Variants in XPR1 observed in about 807,000 individuals in gnomAD.
XPR1 encodes xenotropic and polytropic retrovirus receptor 1, also known as solute carrier family 53 member 1.
A neutral mutation model predicts 87.5 loss-of-function variants in XPR1; 28 were observed. The observed-to-expected ratio is 0.32, with a 90% CI of 0.24 to 0.44. The LOEUF (loss-of-function observed/expected upper bound fraction) is 0.44, where lower values mean the gene tolerates loss of function less well. Ranked by LOEUF, XPR1 falls within the 20% of genes least tolerant of loss-of-function variation. The pLI, the probability that XPR1 is intolerant of heterozygous loss-of-function variation, is 1.00. For missense variants in XPR1, 559 were observed against 862.3 expected (o/e 0.65, Z 4.41); for synonymous variants, 300 against 306.1 (o/e 0.98, Z 0.21).
rs191208624 is a variant in XPR1 at position 180,819,739 on chromosome 1, C to T, written c.764-5014C>T. Among the ~76,000 whole-genome samples the T allele has an allele frequency of 2.7e-3, 404 of 152,222 alleles. 2 individuals are homozygous for T. Among genetic ancestry groups the T allele is most frequent in the African/African-American group, 9.3e-3 (385 of 41,524 alleles). ...AACAGTTCAAAATATATGCCTAGGC[C>T]GGGCGCGGTGGCTCATGCCTGTAAT... On this transcript the variant is annotated intron_variant, in intron 7 of 14. Transcript: ENST00000367590.
In XPR1 at chr1:180,806,189, A is replaced by T; in HGVS notation, c.575A>T (p.Asn192Ile). Residue 192 changes from asparagine (N) to isoleucine (I), a missense_variant, in exon 5 of 15, where the codon AAC (asparagine) becomes ATC (isoleucine). Physicochemically the swap from Asn to Ile is moderately radical, Grantham distance 149. Transcript: ENST00000367590. ...VAPFYTCKKI[N>I]QLISETEAVV... is the part of the protein sequence containing the mutation. ...CCATTTTATACATGCAAGAAAATCAACCAGCTTATCTCTGAAACTGAGGTA... is the reference window on the plus strand; with the variant it reads ...CCATTTTATACATGCAAGAAAATCATCCAGCTTATCTCTGAAACTGAGGTA... The T allele has an allele frequency of 2.5e-6, 4 of 1,613,572 alleles. No homozygotes were observed. Among genetic ancestry groups the T allele is most frequent in the Non-Finnish European group, 3.4e-6 (4 of 1,179,648 alleles).
chr1:180,734,130 T>TA (rs768978601), intron 2 of XPR1, among the ~76,000 whole-genome samples: 109 of 152,330 alleles, frequency 7.2e-4, no homozygotes, highest in Admixed American at 2.4e-3. Flanking sequence ...CTATTATACT[T>TA]ACAGGTTACT....
intron 2 of XPR1, among the ~76,000 whole-genome samples, chr1:180,772,217 G>A (rs1243280776): frequency 6.6e-6 from 1 of 152,092 alleles, no homozygotes; most frequent in Non-Finnish European, 1.5e-5. Context: ...GCTTCTTCAA[G>A]TTGGAAGAAT....
chr1:180,704,262 ATATATATATATATAT>A (rs2101974262), intron 2 of XPR1, among the ~76,000 whole-genome samples: 1 of 138,028 alleles, frequency 7.2e-6, no homozygotes, highest in Non-Finnish European at 1.6e-5. Flanking sequence ...ATATATATAT[ATATATATATATATAT>A]TATCAGATTA....
At chr1:180,820,421 C>G (rs1650583646) in intron 7 of XPR1, among the ~76,000 whole-genome samples, 1 of 152,182 alleles carries the variant, frequency 6.6e-6, no homozygotes, top group African/African-American at 2.4e-5. Context: ...GTAATGTTTT[C>G]AAGGTTCATC....
At chr1:180,653,070 T>G (rs1341563143) in intron 1 of XPR1, among the ~76,000 whole-genome samples, 1 of 152,150 alleles carries the variant, frequency 6.6e-6, no homozygotes, top group Non-Finnish European at 1.5e-5. Context: ...ACTGCTTGAA[T>G]TTTTTCATGG....
At position 180,887,597 on chromosome 1, in the gene XPR1, C is replaced by A. The variant is rs945929051; in HGVS notation, c.*3531C>A. On this transcript the variant is annotated 3_prime_UTR_variant, in exon 15 of 15. Transcript: ENST00000367590. The stretch of plus-strand genomic sequence containing the variant: ...AAAGTAGTCAAAAACCCATGTGCAA[C>A]TTTTTTTCAGCACTCTACCATTAGG... 6.6e-6 allele frequency: 1 copy of A among 152,198 alleles called. No homozygotes were observed. The highest frequency in any genetic ancestry group is 2.4e-5 in the African/African-American group (1 of 41,440). 9.4% of individuals were successfully genotyped at this position (152,198 alleles called of 1,614,324 possible).
At chr1:180,673,773 C>A (rs7517852) in intron 1 of XPR1, among the ~76,000 whole-genome samples, 1 of 152,256 alleles carries the variant, frequency 6.6e-6, no homozygotes, top group South Asian at 2.1e-4. Context: ...AATTGTCTTC[C>A]GTGAAACTAG....
chr1:180,755,299 G>A (rs931655611), intron 2 of XPR1, among the ~76,000 whole-genome samples: 22 of 152,188 alleles, frequency 1.4e-4, no homozygotes, highest in African/African-American at 5.3e-4. Context: ...TTTGCATCAT[G>A]AGTTTATTTC....
chr1:180,649,901 C>A (rs1655240814), intron 1 of XPR1, among the ~76,000 whole-genome samples: 1 of 152,056 alleles, frequency 6.6e-6, no homozygotes, highest in African/African-American at 2.4e-5. Context: ...TAGCCATGTC[C>A]CCTTAACTCT....
intron 2 of XPR1, among the ~76,000 whole-genome samples, chr1:180,776,105 G>A (rs1648705957): frequency 1.3e-5 from 2 of 152,076 alleles, no homozygotes; most frequent in African/African-American, 4.8e-5. Context: ...GTGAGTAACA[G>A]GGTAACAAAT....
At chr1:180,726,335 G>T (rs1374282221) in intron 2 of XPR1, among the ~76,000 whole-genome samples, 1 of 152,174 alleles carries the variant, frequency 6.6e-6, no homozygotes, top group Non-Finnish European at 1.5e-5. Context: ...CCCCTTCCAT[G>T]CTGTGGAAGC....
At chr1:180,673,784 T>A (rs1259882345) in intron 1 of XPR1, among the ~76,000 whole-genome samples, 1 of 152,216 alleles carries the variant, frequency 6.6e-6, no homozygotes, top group Non-Finnish European at 1.5e-5. Context: ...GTGAAACTAG[T>A]CCCTGGAGCC....
rs550890349 is a variant in XPR1, at chr1:180,702,402, ATG to A, written c.121+19993_121+19994del. Among the ~76,000 whole-genome samples the A allele has an allele frequency of 1.2e-4, 18 of 150,522 alleles. No homozygotes were observed. In the South Asian group the frequency reaches 3.6e-3, roughly 30 times the overall value. On this transcript the variant is annotated intron_variant, in intron 2 of 14. Transcript: ENST00000367590. Reference sequence around the variant, plus strand: ...TAGGTGTGGTGTGGTGCTGAAAAAAATGTATATTCTGTTGATTTGGGGTGGAG... The same window carrying A: ...TAGGTGTGGTGTGGTGCTGAAAAAAATATATTCTGTTGATTTGGGGTGGAG...
At chr1:180,698,510 T>C (rs921514336) in intron 2 of XPR1, among the ~76,000 whole-genome samples, 3 of 150,924 alleles carry the variant, frequency 2.0e-5, no homozygotes, top group Non-Finnish European at 4.4e-5. Flanking sequence ...TTTTTTCTTC[T>C]GTTCTTGTTT....
At position 180,664,328 on chromosome 1, in the gene XPR1, G is replaced by A. The variant is rs546487305; in HGVS notation, c.70-18032G>A. 3.7e-4 allele frequency among the ~76,000 whole-genome samples: 57 copies of A among 152,248 alleles called. No homozygotes were observed. In the East Asian group the frequency reaches 3.9e-3, roughly 10 times the overall value. On this transcript the variant is annotated intron_variant, in intron 1 of 14. Coordinates refer to ENST00000367590, the MANE Select transcript of XPR1 (RefSeq NM_004736.4). ...TGTTTACCACTGCTGCTTATTCAGG[G>A]CCCAAGGGTTCTGTGTTCAGCAGAT... is the stretch of plus-strand genomic sequence containing the variant.
At chr1:180,696,198 GTGTGTGTGTGTATATATATATATA>G (rs1321819238) in intron 2 of XPR1, among the ~76,000 whole-genome samples, 3 of 115,866 alleles carry the variant, frequency 2.6e-5, no homozygotes, top group African/African-American at 7.2e-5. Context: ...GTGTGTGTGT[GTGTGTGTGTGTATATATATATATA>G]TATATATATT....
intron 11 of XPR1, among the ~76,000 whole-genome samples, chr1:180,863,472 T>G (rs926887056): frequency 6.6e-6 from 1 of 152,158 alleles, no homozygotes; most frequent in East Asian, 1.9e-4. Flanking sequence ...CTCCAAAACT[T>G]TTATACATTT....
At chr1:180,639,727 C>T (rs1654906756) in intron 1 of XPR1, among the ~76,000 whole-genome samples, 1 of 152,056 alleles carries the variant, frequency 6.6e-6, no homozygotes, top group African/African-American at 2.4e-5. Flanking sequence ...GTTTCAGGAC[C>T]ACTTGAAACT....
Sources: gnomAD v4.1 joint callset for allele counts (sites outside exome capture counted in the v4.1 genomes callset) on GRCh38, gnomAD v4.1.1 for gene constraint, MANE v1.5 for transcripts, NCBI Gene and HGNC (gene_info 2026-07-23, HGNC 2026-07-21) for gene names.